Variants in SSB observed in about 807,000 individuals in gnomAD.
The protein encoded by SSB is small RNA binding exonuclease protection factor La.
Under a neutral mutation model 52.9 loss-of-function variants are expected in SSB, and 17 were observed. The ratio of observed to expected loss-of-function variants is 0.32; its 90% confidence interval spans 0.22 to 0.48. SSB has a LOEUF of 0.48. Ranked by LOEUF, SSB falls within the 20% of genes least tolerant of loss-of-function variation. SSB has a pLI of 0.99. For synonymous variants in SSB, 111 were observed against 152.1 expected (o/e 0.73, Z 1.99); for missense variants, 314 against 463.6 (o/e 0.68, Z 2.96).
intron 1 of SSB, among the ~76,000 whole-genome samples, chr2:169,799,740 C>G (rs1689668951): frequency 6.6e-6 from 1 of 152,184 alleles, no homozygotes; most frequent in Admixed American, 6.5e-5. Context: ...GTGGATCACA[C>G]AGTACCCCGT....
chr2:169,811,459 C>T (rs1243121498), intron 11 of SSB, 136 bp downstream of exon 11: 1 of 1,293,990 alleles, frequency 7.7e-7, no homozygotes, highest in Non-Finnish European at 1.0e-6. Flanking sequence ...TAACGATTTA[C>T]CTCGGTTATG....
At chr2:169,807,737 C>CTTTTTTTTTTTTTTTTT (rs55845251) in intron 6 of SSB, among the ~76,000 whole-genome samples, 1 of 74,024 alleles carries the variant, frequency 1.4e-5, no homozygotes, top group Non-Finnish European at 2.4e-5. Flanking sequence ...GCCTATATGT[C>CTTTTTTTTTTTTTTTTT]TTTTTTTTTT....
At chr2:169,799,396 G>C (rs1268720195) in intron 1 of SSB, 1 of 151,734 alleles carries the variant, frequency 6.6e-6, no homozygotes, top group Non-Finnish European at 1.5e-5. Flanking sequence ...GGGTTCTGTG[G>C]AGCCTATGGG....
At chr2:169,807,541 G>A (rs1424669302) in intron 6 of SSB, among the ~76,000 whole-genome samples, 1 of 152,032 alleles carries the variant, frequency 6.6e-6, no homozygotes, top group African/African-American at 2.4e-5. Context: ...CGCCTGCCTT[G>A]GCCTCCCAAA....
At chr2:169,799,222 G>A (rs1365289814) in intron 1 of SSB, 15 of 151,196 alleles carry the variant, frequency 9.9e-5, no homozygotes, top group African/African-American at 3.1e-4. Flanking sequence ...CTGGTGCCCA[G>A]GCAGTTCCGC....
chr2:169,808,584 T>C lies in SSB; in HGVS notation c.626+31T>C, dbSNP rs747958798. ...TATGTTGAACTAATCACGACATAAT[T>C]TGAATTCCTTAAAGCTCTGACAGAA... is the stretch of plus-strand genomic sequence containing the variant. On this transcript the variant is annotated intron_variant, in intron 7 of 11. Coordinates refer to ENST00000260956, the MANE Select transcript of SSB (RefSeq NM_003142.5). 2.7e-5 allele frequency: 42 copies of C among 1,565,494 alleles called. No homozygotes were observed. In the South Asian group the frequency reaches 4.6e-4, roughly 17 times the overall value.
chr2:169,811,927 A>T lies in SSB; in HGVS notation c.*171A>T, dbSNP rs1689972783. The stretch of plus-strand genomic sequence containing the variant: ...TGTTATGCAAATGAGATTTCTTTGA[A>T]TGTATTGTTCTGTTTGTGTTATTTC... On this transcript the variant is annotated 3_prime_UTR_variant, in exon 12 of 12. Coordinates refer to ENST00000260956, the MANE Select transcript of SSB (RefSeq NM_003142.5). 6.6e-7 allele frequency: 1 copy of T among 1,520,806 alleles called. No individual in the cohort carries two copies. The highest frequency in any genetic ancestry group is 9.1e-7 in the Non-Finnish European group (1 of 1,102,856). The allele number at this position is 1,520,806 out of a possible 1,614,324, so 94.2% of individuals were successfully genotyped here. A position where few individuals can be genotyped will look rare whatever the true frequency, so the allele number is the denominator to read the frequency against.
At chr2:169,806,942 TA>T (rs1425950935) in intron 5 of SSB, 28 bp from the exon 6 acceptor site, 2 of 1,610,312 alleles carry the variant, frequency 1.2e-6, no homozygotes, top group East Asian at 4.5e-5. Context: ...GGACATAACT[TA>T]AAAAAATATT....
At chr2:169,809,639 G>A (rs925247835) in intron 8 of SSB, among the ~76,000 whole-genome samples, 3 of 150,696 alleles carry the variant, frequency 2.0e-5, no homozygotes, top group African/African-American at 7.3e-5. Flanking sequence ...TTTTGAGACC[G>A]AGTCTCACTG....
In SSB at chr2:169,808,872, A is replaced by G; in HGVS notation, c.639A>G (p.Ala213=). The change falls in exon 8 of 12, where the codon GCA becomes GCG. Residue 213 remains alanine, a synonymous_variant. Transcript: ENST00000260956. Reference sequence around the variant, plus strand: ...TTTTTATTTGTAGGGAGCAAGAAGCAAAACAAAAGTTAGAAGAAGATGCTG... The same window carrying G: ...TTTTTATTTGTAGGGAGCAAGAAGCGAAACAAAAGTTAGAAGAAGATGCTG... ...AKLRAKQEQE[A]KQKLEEDAEM... is the part of the protein sequence containing the mutation. 1 of 1,595,828 alleles carries G rather than the reference A, an allele frequency of 6.3e-7. No homozygotes were observed. The highest frequency in any genetic ancestry group is 8.6e-7 in the Non-Finnish European group (1 of 1,163,990).
In SSB at chr2:169,807,084, G is replaced by T; in HGVS notation, c.554+13G>T. On this transcript the variant is annotated intron_variant, in intron 6 of 11. Coordinates refer to ENST00000260956, the MANE Select transcript of SSB (RefSeq NM_003142.5). ...TAATACTTTTCAAGTAAGTCTTTTT[G>T]CTGATGTTTCTCCTGGCCTTTTACT... 1 of 1,609,608 alleles carries T rather than the reference G, an allele frequency of 6.2e-7. No individual in the cohort carries two copies.
In SSB at chr2:169,811,266, A is replaced by G; in HGVS notation, c.1081A>G (p.Lys361Glu). Residue 361 changes from lysine to glutamate, a missense_variant, in exon 11 of 12, where the codon AAA (lysine) becomes GAA (glutamate). Transcript: ENST00000260956. ...AGGAAAAGTACAGTTTCAGGGCAAG[A>G]AAACGAAATTTGCTAGTGATGATGA... is the stretch of plus-strand genomic sequence containing the variant. ...GKGKVQFQGKKTKFASDDEHD... is the reference protein window; with the variant it reads ...GKGKVQFQGKETKFASDDEHD... 1 of 1,610,068 alleles carries G rather than the reference A, an allele frequency of 6.2e-7. No individual in the cohort carries two copies. Among genetic ancestry groups the G allele is most frequent in the Non-Finnish European group, 8.5e-7 (1 of 1,179,204 alleles).
intron 4 of SSB, 77 bp downstream of exon 4, chr2:169,805,916 A>G (rs1689819753): frequency 3.8e-6 from 5 of 1,315,920 alleles, no homozygotes; most frequent in Admixed American, 3.9e-5. Context: ...GGGCTCAGGA[A>G]TCACAGCCTC....
intron 9 of SSB, 28 bp downstream of exon 9, chr2:169,810,451 C>A: frequency 6.4e-7 from 1 of 1,562,316 alleles, no homozygotes; most frequent in Non-Finnish European, 8.6e-7. Context: ...TCCTTTTTAG[C>A]AATCAGTTTG....
chr2:169,800,922 A>G, intron 1 of SSB, 30 bp from the exon 2 acceptor site: 1 of 1,504,854 alleles, frequency 6.6e-7, no homozygotes, highest in Non-Finnish European at 9.0e-7. Flanking sequence ...TATAAAAAAT[A>G]ACTTTATGCT....
chr2:169,805,435 T>C, intron 2 of SSB, 39 bp from the exon 3 acceptor site: 2 of 1,451,040 alleles, frequency 1.4e-6, no homozygotes, highest in Non-Finnish European at 1.9e-6. Flanking sequence ...GGAGTCCATA[T>C]TATACAGTGT....
At chr2:169,806,759 T>G in intron 4 of SSB, 26 bp from the exon 5 acceptor site, 1 of 1,533,590 alleles carries the variant, frequency 6.5e-7, no homozygotes. Context: ...ATTTGTTATT[T>G]GTACATTTCT....
Position 169,806,677 on chromosome 2 carries a change from T to C in SSB, c.346-108T>C. On this transcript the variant is annotated intron_variant, in intron 4 of 11. Coordinates refer to ENST00000260956, the MANE Select transcript of SSB (RefSeq NM_003142.5). ...ATTAACAAAGAGAAATAGAGATAGA[T>C]AGGTATATCCTGGGTTCATTTCAAG... 4 of 812,188 alleles carry C rather than the reference T, an allele frequency of 4.9e-6. No homozygotes were observed. The East Asian group carries it at 1.0e-4, about 20-fold the overall frequency. The allele number at this position is 812,188 out of a possible 1,614,324, so 50.3% of individuals were successfully genotyped here.
chr2:169,809,316 G>A (rs1389585261), intron 8 of SSB, among the ~76,000 whole-genome samples: 1 of 152,186 alleles, frequency 6.6e-6, no homozygotes, highest in Non-Finnish European at 1.5e-5. Context: ...AGGAGGCGGA[G>A]GTTGCAGTGA....
Sources: gnomAD v4.1 joint callset for allele counts (sites outside exome capture counted in the v4.1 genomes callset) on GRCh38, gnomAD v4.1.1 for gene constraint, MANE v1.5 for transcripts, NCBI Gene and HGNC (gene_info 2026-07-23, HGNC 2026-07-21) for gene names.